Variants in STK39 observed in about 807,000 individuals in gnomAD.
STK39 encodes serine/threonine kinase 39, also known as STE20/SPS1-related proline-alanine-rich protein kinase.
In STK39, 20 loss-of-function variants were observed where a neutral mutation model predicts 77.8. That is an observed-to-expected ratio of 0.26 (90% confidence interval 0.18 to 0.37). The LOEUF is 0.37. Among genes scored for constraint, STK39 ranks in the 10% least tolerant of loss-of-function variants. The pLI is 1.00. For synonymous variants in STK39, 246 were observed against 234.1 expected, an observed-to-expected ratio of 1.05 and a Z score of -0.47; for missense variants, 479 against 656.5, an observed-to-expected ratio of 0.73 and a Z score of 2.95.
intron 1 of STK39, among the ~76,000 whole-genome samples, chr2:168,214,481 G>C (rs746668878): frequency 6.6e-6 from 1 of 152,052 alleles, no homozygotes; most frequent in Non-Finnish European, 1.5e-5. Flanking sequence ...CCAGGGGCTG[G>C]GAGAAGGGAA....
intron 10 of STK39, among the ~76,000 whole-genome samples, chr2:168,117,360 C>A (rs1299839932): frequency 2.6e-5 from 4 of 152,226 alleles, no homozygotes; most frequent in Non-Finnish European, 5.9e-5. Context: ...TCATCACCAT[C>A]TTGCTTGCTA....
At chr2:168,163,255 TC>T (rs1477491242) in intron 4 of STK39, among the ~76,000 whole-genome samples, 15 of 152,160 alleles carry the variant, frequency 9.9e-5, no homozygotes, top group Admixed American at 1.3e-4. Flanking sequence ...ACCTCTTCCT[TC>T]CCTCTCACCA....
chr2:168,203,644 G>A (rs1463351705), intron 1 of STK39, among the ~76,000 whole-genome samples: 1 of 152,212 alleles, frequency 6.6e-6, no homozygotes, highest in East Asian at 1.9e-4. Context: ...CCAGGCTGGA[G>A]TACAGTGGTA....
rs538932842 is a variant in STK39, at chr2:168,232,839, G to C, written c.208+14389C>G. ...AGGCAGGAGAATCACTTGAACCCAG[G>C]AGGCGGAGGTTGCAGCGAGCCGAGA... On this transcript the variant is annotated intron_variant, in intron 1 of 17. Coordinates refer to ENST00000355999, the MANE Select transcript of STK39 (RefSeq NM_013233.3). Among the ~76,000 whole-genome samples, 5 of 152,092 alleles carry C rather than the reference G, an allele frequency of 3.3e-5. No homozygotes were observed. In the East Asian group the frequency reaches 5.8e-4, roughly 18 times the overall value.
chr2:168,094,183 C>G (rs1686601496), intron 10 of STK39, among the ~76,000 whole-genome samples: 1 of 152,168 alleles, frequency 6.6e-6, no homozygotes, highest in African/African-American at 2.4e-5. Context: ...CTGTGGGGAC[C>G]ACTACCCTCC....
At chr2:168,178,116 G>A (rs1422396407) in intron 2 of STK39, among the ~76,000 whole-genome samples, 1 of 152,170 alleles carries the variant, frequency 6.6e-6, no homozygotes, top group Non-Finnish European at 1.5e-5. Flanking sequence ...AAAACTGTAA[G>A]TATCTCCTAG....
At chr2:168,165,828 G>A (rs1419216595) in intron 3 of STK39, among the ~76,000 whole-genome samples, 2 of 152,090 alleles carry the variant, frequency 1.3e-5, no homozygotes, top group African/African-American at 4.8e-5. Flanking sequence ...GACATCTGCA[G>A]ATTAAAATAG....
intron 17 of STK39, among the ~76,000 whole-genome samples, chr2:167,963,370 T>G (rs1692050922): frequency 6.6e-6 from 1 of 152,072 alleles, no homozygotes; most frequent in Non-Finnish European, 1.5e-5. Context: ...ATGAGAAAAG[T>G]CCAGCATGAG....
intron 16 of STK39, among the ~76,000 whole-genome samples, chr2:167,977,071 A>G (rs1336166321): frequency 1.3e-5 from 2 of 152,192 alleles, no homozygotes; most frequent in African/African-American, 4.8e-5. Context: ...ACATAGAAAT[A>G]CACCTGCCAT....
chr2:168,106,807 G>A (rs1037366277), intron 10 of STK39, among the ~76,000 whole-genome samples: 1 of 152,148 alleles, frequency 6.6e-6, no homozygotes, highest in South Asian at 2.1e-4. Flanking sequence ...GGGTTACAAA[G>A]TGAGAACCTG....
At chr2:167,981,025 C>T (rs895144361) in intron 16 of STK39, among the ~76,000 whole-genome samples, 2 of 151,238 alleles carry the variant, frequency 1.3e-5, no homozygotes, top group African/African-American at 4.9e-5. Flanking sequence ...TGAACTAAGA[C>T]TTCACACTAC....
chr2:168,036,647 T>G lies in STK39; in HGVS notation c.1377-19552A>C, dbSNP rs147514426. ...TCTAGATATCTCTGGCTGGATGAGG[T>G]TCAGAGGAGCAGCACCCATTGCATG... On this transcript the variant is annotated intron_variant, in intron 14 of 17. Coordinates refer to ENST00000355999, the MANE Select transcript of STK39 (RefSeq NM_013233.3). Among the ~76,000 whole-genome samples, 64 of 152,270 alleles carry G rather than the reference T, an allele frequency of 4.2e-4. 1 individual carries two copies. The highest frequency in any genetic ancestry group is 1.5e-3 in the African/African-American group (62 of 41,566).
intron 10 of STK39, among the ~76,000 whole-genome samples, chr2:168,108,888 G>A (rs1687049937): frequency 6.6e-6 from 1 of 152,168 alleles, no homozygotes; most frequent in Non-Finnish European, 1.5e-5. Flanking sequence ...GACAACAAAA[G>A]CTAAATTTGC....
intron 10 of STK39, among the ~76,000 whole-genome samples, chr2:168,083,860 C>T (rs1433391028): frequency 2.6e-5 from 4 of 152,022 alleles, no homozygotes; most frequent in Non-Finnish European, 5.9e-5. Context: ...CAAGTGAGGA[C>T]TTGGGTGACC....
chr2:168,018,105 A>C (rs957016045), intron 14 of STK39, among the ~76,000 whole-genome samples: 3 of 152,214 alleles, frequency 2.0e-5, no homozygotes, highest in Admixed American at 2.0e-4. Context: ...AATAAGGGGC[A>C]GTGAGCTATA....
intron 17 of STK39, among the ~76,000 whole-genome samples, chr2:167,960,722 C>T (rs1447621108): frequency 6.6e-6 from 1 of 152,114 alleles, no homozygotes; most frequent in Non-Finnish European, 1.5e-5. Context: ...GGAATGCCTC[C>T]ACCCCAAATG....
intron 10 of STK39, among the ~76,000 whole-genome samples, chr2:168,107,117 C>A (rs1281283388): frequency 6.6e-6 from 1 of 152,186 alleles, no homozygotes; most frequent in African/African-American, 2.4e-5. Flanking sequence ...TTACAAAATA[C>A]TTCCTGCTTT....
At chr2:168,230,559 T>C (rs1419604096) in intron 1 of STK39, among the ~76,000 whole-genome samples, 1 of 152,198 alleles carries the variant, frequency 6.6e-6, no homozygotes, top group Non-Finnish European at 1.5e-5. Flanking sequence ...AATTGCTAAC[T>C]TGTATTATAA....
intron 16 of STK39, among the ~76,000 whole-genome samples, chr2:167,974,638 A>G (rs1683225749): frequency 6.6e-6 from 1 of 151,650 alleles, no homozygotes. Flanking sequence ...AGAAATAACT[A>G]AATTTGTCAA....
Sources: allele counts gnomAD v4.1 joint callset (sites outside exome capture counted in the v4.1 genomes callset), GRCh38; gene constraint gnomAD v4.1.1; transcripts MANE v1.5; gene names NCBI Gene and HGNC (gene_info 2026-07-23, HGNC 2026-07-21).